The following GRK5 variants were observed in gnomAD, a reference collection of about 807,000 sequenced individuals.
The protein encoded by GRK5 is g protein-coupled receptor kinase GRK5.
GRK5 carries 40 observed loss-of-function variants against 78.4 expected under a neutral mutation model. That is an observed-to-expected ratio of 0.51 (90% CI 0.40 to 0.66). The LOEUF is 0.66. GRK5 is among the 30% of genes least tolerant of loss of function. The pLI is 0.00. For missense variants in GRK5, 598 were observed against 759.9 expected, an observed-to-expected ratio of 0.79 and a Z score of 2.50; for synonymous variants, 289 against 296.8, an observed-to-expected ratio of 0.97 and a Z score of 0.27.
chr10:119,258,026 C>T (rs1485411544), intron 1 of GRK5, among the ~76,000 whole-genome samples: 1 of 152,178 alleles, frequency 6.6e-6, no homozygotes, highest in Non-Finnish European at 1.5e-5. Flanking sequence ...ACTGTGTACA[C>T]CACGTAGTTA....
rs535823629 is a variant in GRK5, at chr10:119,443,290, C to T, written c.1058-254C>T. Reference sequence around the variant, plus strand: ...ATTGTTACGGTAGTGAATAAAGTAGCTCATGTTCTAGGCGAGGGGACATCA... The same window carrying T: ...ATTGTTACGGTAGTGAATAAAGTAGTTCATGTTCTAGGCGAGGGGACATCA... On this transcript the variant is annotated intron_variant, in intron 11 of 15. Transcript: ENST00000392870. Among the ~76,000 whole-genome samples the T allele has an allele frequency of 3.9e-5, 6 of 152,244 alleles. No individual in the cohort carries two copies. In the South Asian group the frequency reaches 1.2e-3, roughly 32 times the overall value.
At chr10:119,394,229 TGGGTGTGTGG>T in intron 3 of GRK5, among the ~76,000 whole-genome samples, 1 of 145,354 alleles carries the variant, frequency 6.9e-6, no homozygotes, top group Non-Finnish European at 1.5e-5. Flanking sequence ...CGTGTGGGTG[TGGGTGTGTGG>T]GTGTCTGTGT....
Position 119,286,576 on chromosome 10 carries a change from T to C in GRK5, c.53-39940T>C, listed in dbSNP as rs138186144. 1.5e-3 allele frequency among the ~76,000 whole-genome samples: 232 copies of C among 152,382 alleles called. 2 individuals carry two copies. The highest frequency in any genetic ancestry group is 5.1e-3 in the African/African-American group (214 of 41,590). ...ATTCTCTCAGGAGTTTGGGGGCCTC[T>C]GTTGACTCTGCTTTTCAATTTGCTA... On this transcript the variant is annotated intron_variant, in intron 1 of 15. Transcript: ENST00000392870.
chr10:119,331,237 G>T (rs139193049), intron 2 of GRK5, among the ~76,000 whole-genome samples: 3 of 152,248 alleles, frequency 2.0e-5, no homozygotes, highest in Non-Finnish European at 2.9e-5. Flanking sequence ...GCGTGCTGGC[G>T]TGTGGAAATG....
At position 119,436,645 on chromosome 10, in the gene GRK5, T is replaced by C. The variant is rs1450789641; in HGVS notation, c.739-6T>C. 1.4e-5 allele frequency: 23 copies of C among 1,613,922 alleles called. No individual in the cohort carries two copies. Among genetic ancestry groups the C allele is most frequent in the Non-Finnish European group, 1.8e-5 (21 of 1,179,968 alleles). On this transcript the variant is annotated splice_region_variant and splice_polypyrimidine_tract_variant and intron_variant, in intron 8 of 15. Transcript: ENST00000392870. The stretch of plus-strand genomic sequence containing the variant: ...CCTCCCCATGGCACTGTTCTTGTGC[T>C]CCCAGGTCAACCTGGCCTATGCCTA...
At chr10:119,371,582 C>T (rs1431171110) in intron 2 of GRK5, among the ~76,000 whole-genome samples, 2 of 152,172 alleles carry the variant, frequency 1.3e-5, no homozygotes, top group Non-Finnish European at 2.9e-5. Flanking sequence ...GGCCTGCTTC[C>T]GAGAAGGAGC....
At chr10:119,382,188 C>CAGGCTCTGCCTTGGGCGTAGGGG (rs1851722231) in intron 3 of GRK5, among the ~76,000 whole-genome samples, 1 of 141,394 alleles carries the variant, frequency 7.1e-6, no homozygotes, top group Non-Finnish European at 1.6e-5. Context: ...CTCCCCTCTG[C>CAGGCTCTGCCTTGGGCGTAGGGG]AGGCTCTGCC....
Position 119,350,072 on chromosome 10 carries a change from C to T in GRK5, c.148+23461C>T, listed in dbSNP as rs1205014215. ...AGCTTAACCACAGGTGTGACCAGCT[C>T]ATGGCCAGAATGTGCCACAGGATGG... On this transcript the variant is annotated intron_variant, in intron 2 of 15. Transcript: ENST00000392870. 3.9e-5 allele frequency among the ~76,000 whole-genome samples: 6 copies of T among 152,356 alleles called. No individual in the cohort carries two copies. The East Asian group carries it at 5.8e-4, about 15-fold the overall frequency.
intron 3 of GRK5, among the ~76,000 whole-genome samples, chr10:119,382,798 G>C (rs1489392325): frequency 6.6e-6 from 1 of 152,078 alleles, no homozygotes; most frequent in Non-Finnish European, 1.5e-5. Context: ...TTGACTCTAG[G>C]CTCCCCCATA....
At chr10:119,226,076 C>T (rs1311698246) in intron 1 of GRK5, among the ~76,000 whole-genome samples, 2 of 151,422 alleles carry the variant, frequency 1.3e-5, no homozygotes, top group African/African-American at 2.4e-5. Flanking sequence ...CTCGATCTCC[C>T]GACCTCATGA....
chr10:119,364,273 G>A (rs1397693971), intron 2 of GRK5, among the ~76,000 whole-genome samples: 1 of 152,226 alleles, frequency 6.6e-6, no homozygotes, highest in African/African-American at 2.4e-5. Flanking sequence ...AGGCAGCTGG[G>A]TCTGGAGGGG....
At chr10:119,320,343 CAAAT>C (rs1850563571) in intron 1 of GRK5, among the ~76,000 whole-genome samples, 2 of 152,204 alleles carry the variant, frequency 1.3e-5, no homozygotes, top group Non-Finnish European at 2.9e-5. Flanking sequence ...GGCAAGGAAA[CAAAT>C]AAGTGGGAAG....
intron 1 of GRK5, among the ~76,000 whole-genome samples, chr10:119,256,387 C>T (rs906782916): frequency 1.3e-5 from 2 of 152,138 alleles, no homozygotes; most frequent in Non-Finnish European, 2.9e-5. Flanking sequence ...CTTCTTGTCC[C>T]CTGGTCCCTC....
chr10:119,335,179 CCT>C (rs1850859201), intron 2 of GRK5, among the ~76,000 whole-genome samples: 2 of 44,558 alleles, frequency 4.5e-5, no homozygotes, highest in African/African-American at 1.8e-4. Flanking sequence ...TCTCTCTCCC[CCT>C]CTCCCTCTCC....
intron 12 of GRK5, 67 bp downstream of exon 12, chr10:119,443,819 C>A: frequency 7.3e-7 from 1 of 1,364,100 alleles, no homozygotes; most frequent in Non-Finnish European, 1.0e-6. Context: ...TGGCCCCAGT[C>A]TGTCCCCAGA....
intron 2 of GRK5, among the ~76,000 whole-genome samples, chr10:119,339,560 G>T (rs1254775217): frequency 6.6e-6 from 1 of 152,106 alleles, no homozygotes; most frequent in Non-Finnish European, 1.5e-5. Flanking sequence ...AAAGCCATGG[G>T]TTGTAGGATA....
chr10:119,369,987 G>C (rs1396294765), intron 2 of GRK5, among the ~76,000 whole-genome samples: 1 of 152,030 alleles, frequency 6.6e-6, no homozygotes, highest in Non-Finnish European at 1.5e-5. Flanking sequence ...TTTGTCCTTG[G>C]TGATAGAGGT....
intron 4 of GRK5, among the ~76,000 whole-genome samples, chr10:119,411,842 C>CTTTGTTTTTTTTTTTTTTTT (rs1852343421): frequency 1.0e-5 from 1 of 95,978 alleles, no homozygotes; most frequent in Non-Finnish European, 2.1e-5. Flanking sequence ...AGATCTGCTT[C>CTTTGTTTTTTTTTTTTTTTT]TTTTTTTTTT....
Position 119,431,271 on chromosome 10 carries a change from G to T in GRK5, c.598-116G>T. 1 of 1,234,566 alleles carries T rather than the reference G, an allele frequency of 8.1e-7. No individual in the cohort carries two copies. The highest frequency in any genetic ancestry group is 1.1e-6 in the Non-Finnish European group (1 of 902,796). The allele number at this position is 1,234,566 out of a possible 1,614,324, so 76.5% of individuals were successfully genotyped here. A position where few individuals can be genotyped will look rare whatever the true frequency, so the allele number is the denominator to read the frequency against. Reference sequence around the variant, plus strand: ...TGGAGCACTCATGAAGCCAGGCAGGGCCGGCTCTGACCCCATCCATTCTCT... The same window carrying T: ...TGGAGCACTCATGAAGCCAGGCAGGTCCGGCTCTGACCCCATCCATTCTCT... On this transcript the variant is annotated intron_variant, in intron 7 of 15. Coordinates refer to ENST00000392870, the MANE Select transcript of GRK5 (RefSeq NM_005308.3). This position sits in a 1 kb window ranked among gnomAD's most constrained non-coding sequence, Gnocchi z 4.8.
Sources: allele counts gnomAD v4.1 joint callset (sites outside exome capture counted in the v4.1 genomes callset), GRCh38; gene constraint gnomAD v4.1.1; non-coding constraint Gnocchi (gnomAD v3.1); transcripts MANE v1.5; gene names NCBI Gene and HGNC (gene_info 2026-07-23, HGNC 2026-07-21).